CNTN5: variants seen among roughly 807,000 people sequenced by gnomAD.
CNTN5 encodes contactin 5.
In CNTN5, 77 loss-of-function variants were observed where a neutral mutation model predicts 129.1. The ratio of observed to expected loss-of-function variants is 0.60; its 90% CI spans 0.50 to 0.72. The LOEUF (loss-of-function observed/expected upper bound fraction) is 0.72. CNTN5 is among the 30% of genes least tolerant of loss of function. The pLI is 0.00. For missense variants in CNTN5, 1,478 were observed against 1,328.8 expected (o/e 1.11, Z -1.75); for synonymous variants, 509 against 465.6 (o/e 1.09, Z -1.20).
intron 6 of CNTN5, among the ~76,000 whole-genome samples, chr11:99,898,879 T>C (rs1949278492): frequency 6.6e-6 from 1 of 152,080 alleles, no homozygotes; most frequent in Non-Finnish European, 1.5e-5. Flanking sequence ...CCTATTCTAC[T>C]GAATTACTTA....
intron 3 of CNTN5, among the ~76,000 whole-genome samples, chr11:99,774,332 G>GTT (rs1204213129): frequency 6.8e-6 from 1 of 146,470 alleles, no homozygotes; most frequent in African/African-American, 2.5e-5. Flanking sequence ...AAAACTTCAG[G>GTT]TTTTTTTTTT....
chr11:99,701,047 T>C (rs112801227), intron 3 of CNTN5, among the ~76,000 whole-genome samples: 3 of 151,368 alleles, frequency 2.0e-5, no homozygotes, highest in African/African-American at 7.3e-5. Context: ...AGGACCATCT[T>C]ATTTTCTTAA....
At chr11:100,053,224 A>G (rs941691353) in intron 9 of CNTN5, among the ~76,000 whole-genome samples, 11 of 151,740 alleles carry the variant, frequency 7.2e-5, no homozygotes, top group East Asian at 1.9e-4. Flanking sequence ...ACGAAAAACC[A>G]CTAAGAAAAC....
chr11:99,845,336 T>G, intron 6 of CNTN5, 74 bp downstream of exon 6: 3 of 663,136 alleles, frequency 4.5e-6, no homozygotes, highest in Non-Finnish European at 6.8e-6. Flanking sequence ...TAAAATTTAG[T>G]TCAGGAAAGA....
chr11:99,533,841 G>A (rs535795408), intron 2 of CNTN5, among the ~76,000 whole-genome samples: 42 of 152,320 alleles, frequency 2.8e-4, no homozygotes, highest in African/African-American at 1.0e-3. Context: ...TGAGATAGCC[G>A]GGGCTGTGGT....
At chr11:99,979,967 G>A (rs140766492) in intron 8 of CNTN5, among the ~76,000 whole-genome samples, 187 of 152,288 alleles carry the variant, frequency 1.2e-3, no homozygotes, top group African/African-American at 4.4e-3. Context: ...GTTATGAGGA[G>A]TAGAGTTGTT....
chr11:99,509,394 T>A (rs2135406381), intron 2 of CNTN5, among the ~76,000 whole-genome samples: 1 of 152,280 alleles, frequency 6.6e-6, no homozygotes, highest in South Asian at 2.1e-4. Flanking sequence ...TAGAGGAAAT[T>A]AAGATTAATT....
chr11:99,798,599 C>G (rs1419378442), intron 3 of CNTN5, among the ~76,000 whole-genome samples: 2 of 151,930 alleles, frequency 1.3e-5, no homozygotes, highest in African/African-American at 4.8e-5. Context: ...TATTTCTGGG[C>G]TCTCTATTCT....
chr11:99,884,308 A>G (rs1435399086), intron 6 of CNTN5, among the ~76,000 whole-genome samples: 2 of 152,228 alleles, frequency 1.3e-5, no homozygotes, highest in African/African-American at 2.4e-5. Flanking sequence ...TAATTTGTAG[A>G]TACGGAATAT....
intron 4 of CNTN5, among the ~76,000 whole-genome samples, chr11:99,835,749 A>G (rs1425007133): frequency 6.6e-6 from 1 of 152,220 alleles, no homozygotes; most frequent in East Asian, 1.9e-4. Context: ...AAACTGGAGC[A>G]CTATAACTGG....
chr11:100,132,086 A>C (rs1314664615), intron 13 of CNTN5, among the ~76,000 whole-genome samples: 1 of 152,082 alleles, frequency 6.6e-6, no homozygotes, highest in African/African-American at 2.4e-5. Flanking sequence ...TGAGCAAAGG[A>C]AAAGCCAAAT....
At chr11:99,674,328 G>A (rs1591460093) in intron 3 of CNTN5, among the ~76,000 whole-genome samples, 2 of 151,824 alleles carry the variant, frequency 1.3e-5, no homozygotes, top group African/African-American at 2.4e-5. Flanking sequence ...ACATGTTTAG[G>A]TTCCTTATAG....
At chr11:100,165,844 A>G (rs1947614988) in intron 13 of CNTN5, among the ~76,000 whole-genome samples, 2 of 151,896 alleles carry the variant, frequency 1.3e-5, no homozygotes, top group South Asian at 4.1e-4. Flanking sequence ...CTTGAGATAA[A>G]TATTATTATT....
intron 3 of CNTN5, among the ~76,000 whole-genome samples, chr11:99,749,233 G>A (rs190738610): frequency 3.1e-4 from 47 of 152,016 alleles, no homozygotes; most frequent in African/African-American, 1.1e-3. Context: ...AGCATTTTGG[G>A]AACAGGGATT....
chr11:99,213,144 T>C (rs1294385590), intron 1 of CNTN5, among the ~76,000 whole-genome samples: 3 of 150,832 alleles, frequency 2.0e-5, no homozygotes, highest in Non-Finnish European at 4.4e-5. Context: ...TGAGCTGAGA[T>C]TGCACCACTG....
intron 1 of CNTN5, among the ~76,000 whole-genome samples, chr11:99,116,426 T>G (rs1858048208): frequency 6.6e-6 from 1 of 152,210 alleles, no homozygotes. Context: ...CTTAAATTAT[T>G]ACTTAAATCG....
At chr11:100,089,962 G>A (rs1473647534) in intron 13 of CNTN5, among the ~76,000 whole-genome samples, 5 of 152,184 alleles carry the variant, frequency 3.3e-5, no homozygotes, top group East Asian at 1.9e-4. Flanking sequence ...CCTAGGTGAT[G>A]GGTTGACAGG....
chr11:99,723,071 T>G (rs1323250403), intron 3 of CNTN5, among the ~76,000 whole-genome samples: 1 of 152,110 alleles, frequency 6.6e-6, no homozygotes, highest in Non-Finnish European at 1.5e-5. Context: ...ATCTACAATC[T>G]ACTGTTCCTA....
intron 21 of CNTN5, among the ~76,000 whole-genome samples, chr11:100,322,555 G>C (rs1242931022): frequency 1.3e-5 from 2 of 152,116 alleles, no homozygotes; most frequent in African/African-American, 2.4e-5. Flanking sequence ...CATCGTAAGA[G>C]TACCCCACAA....
Sources: allele counts gnomAD v4.1 joint callset (sites outside exome capture counted in the v4.1 genomes callset), GRCh38; gene constraint gnomAD v4.1.1; transcripts MANE v1.5; gene names NCBI Gene and HGNC (gene_info 2026-07-23, HGNC 2026-07-21).